RRBP1: variants seen among roughly 807,000 people sequenced by gnomAD.
The protein encoded by RRBP1 is ribosome binding protein 1.
Under a neutral mutation model 165.2 loss-of-function variants are expected in RRBP1, and 94 were observed. The ratio of observed to expected loss-of-function variants is 0.57; its 90% CI spans 0.48 to 0.68. The LOEUF is 0.68. Ranked by LOEUF, RRBP1 falls within the 30% of genes least tolerant of loss-of-function variation. The pLI is 0.00. For missense variants in RRBP1, 1,676 were observed against 1,763.0 expected, an observed-to-expected ratio of 0.95 and a Z score of 0.88; for synonymous variants, 680 against 714.5, an observed-to-expected ratio of 0.95 and a Z score of 0.77.
At chr20:17,635,911 G>C (rs6034871) in intron 6 of RRBP1, among the ~76,000 whole-genome samples, 8,035 of 152,254 alleles carry the variant, frequency 0.053, 648 homozygotes, top group African/African-American at 0.17. Flanking sequence ...GCCTGCCCAA[G>C]GCTGAACACT....
At chr20:17,623,967 G>A (rs987964672) in intron 13 of RRBP1, among the ~76,000 whole-genome samples, 3 of 151,766 alleles carry the variant, frequency 2.0e-5, no homozygotes, top group Non-Finnish European at 4.4e-5. Context: ...AGCCCCCTGG[G>A]CCATGACTTC....
At chr20:17,675,486 C>A (rs1265599815) in intron 2 of RRBP1, among the ~76,000 whole-genome samples, 3 of 147,042 alleles carry the variant, frequency 2.0e-5, no homozygotes, top group African/African-American at 7.6e-5. Context: ...ATGACAAAGT[C>A]AGTCAAATAC....
rs756162302 is a variant in RRBP1 at position 17,615,496 on chromosome 20, ATTC to A, written c.3982_3984del (p.Glu1328del). 46 of 1,606,936 alleles carry A rather than the reference ATTC, an allele frequency of 2.9e-5. No individual in the cohort carries two copies. The highest frequency in any genetic ancestry group is 1.2e-4 in the Admixed American group (7 of 58,222). On this transcript the variant is annotated inframe_deletion, in exon 23 of 25. Transcript: ENST00000377813. ...GGGCCGGCTGTGCGGAGCTTCTCCA[ATTC>A]TTCTTGTAACCGACATGCCGAGGTC... is the stretch of plus-strand genomic sequence containing the variant.
chr20:17,640,418 A>G (rs377229847), intron 5 of RRBP1, among the ~76,000 whole-genome samples: 1 of 152,136 alleles, frequency 6.6e-6, no homozygotes, highest in African/African-American at 2.4e-5. Context: ...GGGAAAGGGA[A>G]GAGGTGAGGC....
Position 17,636,753 on chromosome 20 carries a change from G to C in RRBP1, c.2185-24C>G, listed in dbSNP as rs1401622991. ...TCCTGGGGGGAAAGTAGCAGAGAGA[G>C]GGGCTGGTAAGCCTTGCAGGGCAGG... On this transcript the variant is annotated intron_variant, in intron 5 of 24. Coordinates refer to ENST00000377813, the MANE Select transcript of RRBP1 (RefSeq NM_001365613.2). The C allele has an allele frequency of 1.9e-6, 3 of 1,611,576 alleles. No individual in the cohort carries two copies. In the African/African-American group the frequency reaches 4.0e-5, roughly 22 times the overall value.
At chr20:17,630,939 G>A (rs963251461) in intron 8 of RRBP1, among the ~76,000 whole-genome samples, 23 of 152,224 alleles carry the variant, frequency 1.5e-4, no homozygotes, top group Non-Finnish European at 3.1e-4. Context: ...TGGAGCTGGG[G>A]TAACTGCTCA....
intron 15 of RRBP1, 70 bp downstream of exon 15, chr20:17,621,620 C>T (rs2035915165): frequency 6.3e-7 from 1 of 1,592,292 alleles, no homozygotes. Flanking sequence ...GTTGAAATGA[C>T]TTGGGGCAGC....
chr20:17,678,809 T>C (rs2037127449), intron 2 of RRBP1, among the ~76,000 whole-genome samples: 2 of 152,244 alleles, frequency 1.3e-5, no homozygotes, highest in African/African-American at 2.4e-5. Context: ...AACACAGTTC[T>C]AGACAGTAGC....
intron 2 of RRBP1, among the ~76,000 whole-genome samples, chr20:17,674,082 G>C (rs886551462): frequency 2.6e-5 from 4 of 152,168 alleles, no homozygotes; most frequent in Admixed American, 6.5e-5. Flanking sequence ...TAATGCAGTT[G>C]AGTTGCACAC....
rs777827622 is a variant in RRBP1 at position 17,621,520 on chromosome 20, C to G, written c.3352G>C (p.Glu1118Gln). 11 of 1,612,654 alleles carry G rather than the reference C, an allele frequency of 6.8e-6. No individual in the cohort carries two copies. In the South Asian group the frequency reaches 8.8e-5, roughly 13 times the overall value. Residue 1118 changes from glutamate to glutamine, a missense_variant, in exon 16 of 25, where the codon GAG becomes CAG. Physicochemically the swap from Glu to Gln is conservative, Grantham distance 29. Coordinates refer to ENST00000377813, the MANE Select transcript of RRBP1 (RefSeq NM_001365613.2). ...GCCTGCAGTGTGCTCTGCGTCTCCT[C>G]GGCCTCCCTCAACTTGGAGGCCAGG... is the stretch of plus-strand genomic sequence containing the variant. ...SDLASKLREA[E>Q]ETQSTLQAEC...
chr20:17,642,954 A>G, intron 4 of RRBP1, 25 bp downstream of exon 4: 1 of 1,610,020 alleles, frequency 6.2e-7, no homozygotes, highest in Non-Finnish European at 8.5e-7. Flanking sequence ...GCCTCTGAGC[A>G]TGGCCAGCAG....
At chr20:17,656,596 G>C (rs1331622959) in intron 3 of RRBP1, among the ~76,000 whole-genome samples, 4 of 152,124 alleles carry the variant, frequency 2.6e-5, no homozygotes, top group African/African-American at 7.2e-5. Context: ...GTCAGTTTCA[G>C]AGCCTTCTAT....
At position 17,658,675 on chromosome 20, in the gene RRBP1, A is replaced by C. The variant is rs759292016; in HGVS notation, c.1833T>G (p.Asp611Glu). The change falls in exon 3 of 25, where the codon GAT (aspartate) becomes GAG (glutamate). Residue 611 changes from aspartate to glutamate, a missense_variant. Physicochemically the swap from Asp to Glu is conservative, Grantham distance 45. This residue lies in a region of RRBP1 where 1,184 missense variants were observed against 1,167.1 expected (regional missense o/e 1.01). Transcript: ENST00000377813. Reference protein sequence around the residue: ...ESASVQGRNTDVAQSPEAPKQ... With the variant: ...ESASVQGRNTEVAQSPEAPKQ... ...TTGGTGCCTCTGGGCTCTGGGCCAC[A>C]TCTGTATTTCTGCCCTGGACAGAAG... 8.7e-6 allele frequency: 14 copies of C among 1,614,108 alleles called. No individual in the cohort carries two copies. In the South Asian group the frequency reaches 1.2e-4, roughly 14 times the overall value.
intron 3 of RRBP1, among the ~76,000 whole-genome samples, chr20:17,644,204 T>C (rs1055465934): frequency 2.0e-5 from 3 of 152,212 alleles, no homozygotes; most frequent in Non-Finnish European, 2.9e-5. Flanking sequence ...GGCGAGCTGG[T>C]TGCTATGAGC....
Position 17,655,129 on chromosome 20 carries a change from CA to C in RRBP1, c.1912+3466del, listed in dbSNP as rs1379847730. The stretch of plus-strand genomic sequence containing the variant: ...GCTTTCCAAAGGGCGTTCCCAGCTC[CA>C]GGGGGCGCTGTCACAAACACAAGAT... On this transcript the variant is annotated intron_variant, in intron 3 of 24. Coordinates refer to ENST00000377813, the MANE Select transcript of RRBP1 (RefSeq NM_001365613.2). 2.0e-5 allele frequency among the ~76,000 whole-genome samples: 3 copies of C among 152,318 alleles called. No individual in the cohort carries two copies. In the East Asian group the frequency reaches 5.8e-4, roughly 29 times the overall value.
intron 18 of RRBP1, 159 bp from the exon 19 acceptor site, chr20:17,619,887 G>A (rs1380584918): frequency 8.8e-6 from 5 of 568,300 alleles, no homozygotes; most frequent in South Asian, 2.2e-5. Context: ...TCCGCGGCAA[G>A]AGAACCCCTT....
chr20:17,648,276 T>A (rs1287926143), intron 3 of RRBP1, among the ~76,000 whole-genome samples: 2 of 152,160 alleles, frequency 1.3e-5, no homozygotes, highest in Non-Finnish European at 2.9e-5. Flanking sequence ...GTGGGGGAAG[T>A]GAGCTTTATG....
rs774487576 is a variant in RRBP1 at position 17,624,432 on chromosome 20, G to A, written c.3147+144C>T. 37 of 651,910 alleles carry A rather than the reference G, an allele frequency of 5.7e-5. 1 individual carries two copies. Among genetic ancestry groups the A allele is most frequent in the South Asian group, 2.3e-4 (13 of 57,368 alleles). The allele number at this position is 651,910 out of a possible 1,614,324, so 40.4% of individuals were successfully genotyped here. A position where few individuals can be genotyped will look rare whatever the true frequency, so the allele number is the denominator to read the frequency against. ...TCTGTGTGTCCTAGTGCTTCTATGC[G>A]TTCCTAGTGCCTCTGTATGTCTGTC... is the stretch of plus-strand genomic sequence containing the variant. On this transcript the variant is annotated intron_variant, in intron 13 of 24. Transcript: ENST00000377813.
chr20:17,635,025 T>C (rs1002437086), intron 7 of RRBP1, among the ~76,000 whole-genome samples: 3 of 152,144 alleles, frequency 2.0e-5, no homozygotes, highest in African/African-American at 7.2e-5. Context: ...GCCAAGTCCC[T>C]GCAGGACACT....
Sources: allele counts gnomAD v4.1 joint callset (sites outside exome capture counted in the v4.1 genomes callset), GRCh38; gene constraint gnomAD v4.1.1; regional missense constraint gnomAD v4.1.1; transcripts MANE v1.5; gene names NCBI Gene and HGNC (gene_info 2026-07-23, HGNC 2026-07-21).